DSCAM: variants seen among roughly 807,000 people sequenced by gnomAD.
The protein encoded by DSCAM is cell adhesion molecule DSCAM.
A neutral mutation model predicts 217.7 loss-of-function variants in DSCAM; 47 were observed. The observed-to-expected ratio is 0.22, with a 90% CI of 0.17 to 0.28. The LOEUF is 0.28. Among genes scored for constraint, DSCAM ranks in the 10% least tolerant of loss-of-function variants. The pLI, the probability that DSCAM is intolerant of heterozygous loss-of-function variation, is 1.00. For synonymous variants in DSCAM, 1,056 were observed against 1,015.3 expected, an observed-to-expected ratio of 1.04 and a Z score of -0.76; for missense variants, 2,080 against 2,618.3, an observed-to-expected ratio of 0.79 and a Z score of 4.49.
At chr21:40,545,959 C>G (rs886143359) in intron 3 of DSCAM, among the ~76,000 whole-genome samples, 1 of 152,194 alleles carries the variant, frequency 6.6e-6, no homozygotes, top group Admixed American at 6.5e-5. Flanking sequence ...GGTTTCCAGC[C>G]TTGGCGAGCC....
chr21:40,608,767 A>G (rs1245538349), intron 3 of DSCAM, among the ~76,000 whole-genome samples: 2 of 152,200 alleles, frequency 1.3e-5, no homozygotes, highest in Non-Finnish European at 2.9e-5. Flanking sequence ...ACATATTTAG[A>G]AAGTTAACTT....
At chr21:40,493,366 A>T (rs1324493487) in intron 3 of DSCAM, among the ~76,000 whole-genome samples, 2 of 152,190 alleles carry the variant, frequency 1.3e-5, no homozygotes. Flanking sequence ...ATTAATAAAC[A>T]ACACGAAAAT....
chr21:40,385,795 A>AT (rs201740741), intron 3 of DSCAM, among the ~76,000 whole-genome samples: 1 of 152,046 alleles, frequency 6.6e-6, no homozygotes, highest in African/African-American at 2.4e-5. Flanking sequence ...CTTTATATAT[A>AT]TTTTTTTAAG....
chr21:40,416,120 G>A (rs1157300444), intron 3 of DSCAM, among the ~76,000 whole-genome samples: 2 of 152,132 alleles, frequency 1.3e-5, no homozygotes, highest in Non-Finnish European at 2.9e-5. Context: ...GGCTGGACAT[G>A]AGGGGATCCC....
At chr21:40,547,703 C>A (rs1030657872) in intron 3 of DSCAM, among the ~76,000 whole-genome samples, 5 of 152,120 alleles carry the variant, frequency 3.3e-5, no homozygotes, top group African/African-American at 1.2e-4. Context: ...CCTCTTCCAG[C>A]CTTCAGCACA....
At chr21:40,800,421 G>C (rs1260138144) in intron 1 of DSCAM, among the ~76,000 whole-genome samples, 1 of 152,102 alleles carries the variant, frequency 6.6e-6, no homozygotes, top group Non-Finnish European at 1.5e-5. Context: ...ATTCTGGTGA[G>C]GGCTTAGAAG....
chr21:40,498,311 A>G (rs1409519080), intron 3 of DSCAM, among the ~76,000 whole-genome samples: 1 of 151,956 alleles, frequency 6.6e-6, no homozygotes, highest in South Asian at 2.1e-4. Flanking sequence ...CCTCAGTTTG[A>G]TTATCTAAAA....
At chr21:40,584,515 GGTGCCCATGGCGAT>G (rs1415601510) in intron 3 of DSCAM, among the ~76,000 whole-genome samples, 1 of 152,122 alleles carries the variant, frequency 6.6e-6, no homozygotes, top group African/African-American at 2.4e-5. Context: ...GAAAGCAGAG[GGTGCCCATGGCGAT>G]GTGCGGAGAG....
chr21:40,340,765 G>T (rs1419787825), intron 6 of DSCAM, among the ~76,000 whole-genome samples: 1 of 152,042 alleles, frequency 6.6e-6, no homozygotes, highest in African/African-American at 2.4e-5. Flanking sequence ...TTGAAAATTG[G>T]AAAGTATTAT....
At chr21:40,833,612 G>A (rs923900085) in intron 1 of DSCAM, among the ~76,000 whole-genome samples, 2 of 152,188 alleles carry the variant, frequency 1.3e-5, no homozygotes, top group African/African-American at 4.8e-5. Context: ...AGGGAACACA[G>A]ATTTGGCTTC....
At chr21:40,369,995 T>C (rs1180752682) in intron 3 of DSCAM, among the ~76,000 whole-genome samples, 1 of 152,168 alleles carries the variant, frequency 6.6e-6, no homozygotes, top group East Asian at 1.9e-4. Context: ...CAAAACAATG[T>C]CCTATCTGTA....
At chr21:40,316,223 C>T (rs1342069618) in intron 8 of DSCAM, among the ~76,000 whole-genome samples, 1 of 152,142 alleles carries the variant, frequency 6.6e-6, no homozygotes, top group Non-Finnish European at 1.5e-5. Flanking sequence ...ATTAGGTTTG[C>T]TATGTGTTGC....
intron 3 of DSCAM, among the ~76,000 whole-genome samples, chr21:40,385,700 G>A (rs2075077491): frequency 6.6e-6 from 1 of 152,188 alleles, no homozygotes; most frequent in African/African-American, 2.4e-5. Context: ...GACCACTGCA[G>A]ACAGGCTGTG....
chr21:40,612,284 C>G (rs186969022), intron 3 of DSCAM, among the ~76,000 whole-genome samples: 1 of 152,284 alleles, frequency 6.6e-6, no homozygotes, highest in Non-Finnish European at 1.5e-5. Flanking sequence ...CCAAGAGAAT[C>G]TGGTGGATGT....
At chr21:40,054,338 C>T (rs2088979686) in intron 29 of DSCAM, among the ~76,000 whole-genome samples, 1 of 152,178 alleles carries the variant, frequency 6.6e-6, no homozygotes, top group South Asian at 2.1e-4. Flanking sequence ...TGCACTTGAC[C>T]AATCTTTAAG....
At chr21:40,497,328 A>G (rs2076126874) in intron 3 of DSCAM, among the ~76,000 whole-genome samples, 1 of 152,212 alleles carries the variant, frequency 6.6e-6, no homozygotes, top group Non-Finnish European at 1.5e-5. Context: ...CATTTGAAAC[A>G]TGGCTAAGCT....
chr21:40,610,774 A>C (rs2089303068), intron 3 of DSCAM, among the ~76,000 whole-genome samples: 1 of 152,086 alleles, frequency 6.6e-6, no homozygotes. Context: ...AAAAGATGAG[A>C]CCTATGCAAG....
chr21:40,155,067 T>A (rs1601391498), intron 16 of DSCAM, among the ~76,000 whole-genome samples: 1 of 152,238 alleles, frequency 6.6e-6, no homozygotes, highest in Admixed American at 6.5e-5. Context: ...GCTTTATTCA[T>A]CCAGCCAACA....
chr21:40,162,290 C>T (rs1338529171), intron 16 of DSCAM, among the ~76,000 whole-genome samples: 1 of 152,148 alleles, frequency 6.6e-6, no homozygotes, highest in Non-Finnish European at 1.5e-5. Flanking sequence ...TGAGATAATG[C>T]ATGCAGAAGT....
Sources: gnomAD v4.1 joint callset for allele counts (sites outside exome capture counted in the v4.1 genomes callset) on GRCh38, gnomAD v4.1.1 for gene constraint, MANE v1.5 for transcripts, NCBI Gene and HGNC (gene_info 2026-07-23, HGNC 2026-07-21) for gene names.